PCDHGA5: variants seen among roughly 807,000 people sequenced by gnomAD.
PCDHGA5 encodes the protein protocadherin gamma subfamily A, 5, also known as protocadherin gamma-A5.
PCDHGA5 carries 36 observed loss-of-function variants against 56.7 expected under a neutral mutation model. That is an observed-to-expected ratio of 0.64 (90% confidence interval 0.49 to 0.84). The LOEUF (loss-of-function observed/expected upper bound fraction) is 0.84, where lower values mean the gene tolerates loss of function less well. PCDHGA5 is among the 40% of genes least tolerant of loss of function. The probability of loss-of-function intolerance (pLI) is 0.00; values close to 1 mark genes in which losing one functional copy is unlikely to be tolerated. For synonymous variants in PCDHGA5, 563 were observed against 520.2 expected (o/e 1.08, Z -1.12); for missense variants, 1,305 against 1,201.5 (o/e 1.09, Z -1.27).
At chr5:141,375,244 G>A (rs527726605) in intron 1 of PCDHGA5, 1 of 1,613,890 alleles carries the variant, frequency 6.2e-7, no homozygotes, top group Admixed American at 1.7e-5. Context: ...GTTCCATCCC[G>A]AGAAGTCTCC....
chr5:141,419,317 T>C, intron 1 of PCDHGA5: 1 of 1,613,952 alleles, frequency 6.2e-7, no homozygotes, highest in Non-Finnish European at 8.5e-7. Flanking sequence ...TCAACGGCCG[T>C]GTCTCCTACT....
At chr5:141,503,178 T>C (rs988629461) in intron 2 of PCDHGA5, among the ~76,000 whole-genome samples, 56 of 151,998 alleles carry the variant, frequency 3.7e-4, no homozygotes, top group African/African-American at 1.3e-3. Flanking sequence ...TACTCTATTG[T>C]GTAATTATTT....
Position 141,423,508 on chromosome 5 carries a change from A to T in PCDHGA5, c.2421+56757A>T, listed in dbSNP as rs962526072. ...AACCTATTCCCACGAGGTCTCTCTCATTGCGGACTCGCAGAAGAGTCACCT... is the reference window on the plus strand; with the variant it reads ...AACCTATTCCCACGAGGTCTCTCTCTTTGCGGACTCGCAGAAGAGTCACCT... On this transcript the variant is annotated intron_variant, in intron 1 of 3. Coordinates refer to ENST00000518069, the MANE Select transcript of PCDHGA5 (RefSeq NM_018918.3). The T allele has an allele frequency of 9.9e-6, 16 of 1,613,742 alleles. No homozygotes were observed. The highest frequency in any genetic ancestry group is 1.6e-4 in the Middle Eastern group (1 of 6,084).
chr5:141,376,908 C>T, intron 1 of PCDHGA5: 1 of 187,054 alleles, frequency 5.3e-6, no homozygotes, highest in Non-Finnish European at 1.1e-5. Flanking sequence ...AGGATGGTCT[C>T]GATCTCCTGA....
At chr5:141,383,963 C>G (rs967868907) in intron 1 of PCDHGA5, 1 of 1,613,480 alleles carries the variant, frequency 6.2e-7, no homozygotes, top group South Asian at 1.1e-5. Flanking sequence ...TTAAGTAGCT[C>G]AATCCCTGAA....
At chr5:141,451,334 C>G (rs916812246) in intron 1 of PCDHGA5, among the ~76,000 whole-genome samples, 4 of 152,192 alleles carry the variant, frequency 2.6e-5, no homozygotes, top group Non-Finnish European at 4.4e-5. Context: ...AGGCTATTGT[C>G]TTATCTGAAG....
At chr5:141,375,093 T>G (rs1394979484) in intron 1 of PCDHGA5, 18 of 1,613,962 alleles carry the variant, frequency 1.1e-5, no homozygotes, top group Non-Finnish European at 1.4e-5. Flanking sequence ...TTAATAACTA[T>G]CTTGGATGTC....
At chr5:141,384,417 C>CATGGAG (rs1451567690) in intron 1 of PCDHGA5, 1 of 1,613,844 alleles carries the variant, frequency 6.2e-7, no homozygotes, top group East Asian at 2.2e-5. Flanking sequence ...CCTATGTCTC[C>CATGGAG]ATAAACTCTG....
chr5:141,413,111 AG>A lies in PCDHGA5; in HGVS notation c.2421+46362del, dbSNP rs962952666. ...ACACCCTGAAGCCACAGAAAGACAA[AG>A]GAACCGGTTGAAACACACAACGTGT... On this transcript the variant is annotated intron_variant, in intron 1 of 3. Transcript: ENST00000518069. 4.7e-6 allele frequency: 7 copies of A among 1,499,852 alleles called. No individual in the cohort carries two copies. In the African/African-American group the frequency reaches 8.4e-5, roughly 18 times the overall value. 92.9% of individuals were successfully genotyped at this position (1,499,852 alleles called of 1,614,324 possible). A position where few individuals can be genotyped will look rare whatever the true frequency, so the allele number is the denominator to read the frequency against.
rs1457697682 is a variant in PCDHGA5 at position 141,364,879 on chromosome 5, A to C, written c.549A>C (p.Val183=). The change falls in exon 1 of 4, where the codon GTA becomes GTC. Residue 183 remains valine, a synonymous_variant. Transcript: ENST00000518069. The part of the protein sequence containing the change: ...SSNLHFSLDV[V]SGTDGQKYPE... ...ATCTGCACTTCTCTCTGGATGTGGT[A>C]AGCGGAACTGATGGACAAAAGTATC... The C allele has an allele frequency of 1.9e-6, 3 of 1,613,862 alleles. No homozygotes were observed. Among genetic ancestry groups the C allele is most frequent in the Non-Finnish European group, 1.7e-6 (2 of 1,179,900 alleles).
chr5:141,432,137 T>A lies in PCDHGA5; in HGVS notation c.2422-62670T>A. On this transcript the variant is annotated intron_variant, in intron 1 of 3. Coordinates refer to ENST00000518069, the MANE Select transcript of PCDHGA5 (RefSeq NM_018918.3). The surrounding 1 kb of genome is among the most constrained non-coding windows in gnomAD (Gnocchi z 6.0). ...CTTCCCTCAGGCCTCCTATTCCGCT[T>A]ATATCCCAGAGAACAATCCCAGAGG... 6.2e-7 allele frequency: 1 copy of A among 1,613,964 alleles called. No homozygotes were observed. Among genetic ancestry groups the A allele is most frequent in the Non-Finnish European group, 8.5e-7 (1 of 1,179,984 alleles).
In PCDHGA5 at chr5:141,486,030, C is replaced by T. The variant is rs2099623234; in HGVS notation, c.2422-8777C>T. 2 of 1,614,046 alleles carry T rather than the reference C, an allele frequency of 1.2e-6. No homozygotes were observed. Among genetic ancestry groups the T allele is most frequent in the African/African-American group, 1.3e-5 (1 of 74,918 alleles). On this transcript the variant is annotated intron_variant, in intron 1 of 3. Coordinates refer to ENST00000518069, the MANE Select transcript of PCDHGA5 (RefSeq NM_018918.3). This position sits in a 1 kb window ranked among gnomAD's most constrained non-coding sequence, Gnocchi z 5.0. ...ACCTTTTATTTCAGTGGTCATACCC[C>T]TGATCGTGTAAGAAACCTCTTTAGC...
At position 141,365,896 on chromosome 5, in the gene PCDHGA5, T is replaced by G. The variant is rs1764191904; in HGVS notation, c.1566T>G (p.Tyr522Ter). 6.2e-7 allele frequency: 1 copy of G among 1,614,094 alleles called. No homozygotes were observed. ...TGTATGCTCTGAGATCCTTCGACTATGAGCAGTTGAGAGACCTACAGTTGT... is the reference window on the plus strand; with the variant it reads ...TGTATGCTCTGAGATCCTTCGACTAGGAGCAGTTGAGAGACCTACAGTTGT... ...GVLYALRSFD[Y>*]EQLRDLQLWV... Residue 522 changes from tyrosine (Y) to a stop codon, truncating the protein, a stop_gained, in exon 1 of 4, where the codon TAT (tyrosine) becomes TAG (stop). Coordinates refer to ENST00000518069, the MANE Select transcript of PCDHGA5 (RefSeq NM_018918.3). LOFTEE classifies it high-confidence loss of function.
intron 1 of PCDHGA5, chr5:141,409,727 G>A (rs1000014772): frequency 6.2e-7 from 1 of 1,613,158 alleles, no homozygotes; most frequent in South Asian, 1.1e-5. Context: ...GTCAGTGAGC[G>A]CGCAGAGCGG....
At chr5:141,430,907 A>G (rs776543955) in intron 1 of PCDHGA5, 1 of 1,606,916 alleles carries the variant, frequency 6.2e-7, no homozygotes, top group Non-Finnish European at 8.5e-7. Flanking sequence ...CGACATCTCC[A>G]GGGACCTGGG....
chr5:141,413,601 A>T (rs2095657842), intron 1 of PCDHGA5: 1 of 1,613,814 alleles, frequency 6.2e-7, no homozygotes, highest in African/African-American at 1.3e-5. Flanking sequence ...CAGAAAATCT[A>T]GACGTAAAAA....
chr5:141,371,328 A>G, intron 1 of PCDHGA5: 1 of 1,614,010 alleles, frequency 6.2e-7, no homozygotes, highest in Non-Finnish European at 8.5e-7. Flanking sequence ...CTTTGAAGAG[A>G]GAGATAGCTA....
chr5:141,371,868 G>T (rs755178809), intron 1 of PCDHGA5: 5 of 1,613,392 alleles, frequency 3.1e-6, no homozygotes, highest in Non-Finnish European at 4.2e-6. Flanking sequence ...CTACTACATC[G>T]TGGCCAGTGA....
intron 1 of PCDHGA5, chr5:141,415,563 T>G: frequency 1.2e-6 from 2 of 1,614,168 alleles, no homozygotes; most frequent in Non-Finnish European, 1.7e-6. Flanking sequence ...ATCCTTTGTC[T>G]TTGTTAGATG....
Sources: gnomAD v4.1 joint callset for allele counts (sites outside exome capture counted in the v4.1 genomes callset) on GRCh38, gnomAD v4.1.1 for gene constraint, Gnocchi (gnomAD v3.1) non-coding constraint, MANE v1.5 for transcripts, NCBI Gene and HGNC (gene_info 2026-07-23, HGNC 2026-07-21) for gene names.